Variants in UBE3B observed in about 807,000 individuals in gnomAD.
The protein encoded by UBE3B is ubiquitin protein ligase E3B, also known as ubiquitin-protein ligase E3B.
Under a neutral mutation model 132.3 loss-of-function variants are expected in UBE3B, and 80 were observed. The observed-to-expected ratio is 0.60, with a 90% CI of 0.50 to 0.73. The LOEUF is 0.73. UBE3B is among the 30% of genes least tolerant of loss of function. The probability of loss-of-function intolerance (pLI) is 0.00; values close to 1 mark genes in which losing one functional copy is unlikely to be tolerated. For synonymous variants in UBE3B, 487 were observed against 520.4 expected (o/e 0.94, Z 0.87); for missense variants, 1,196 against 1,362.5 (o/e 0.88, Z 1.92).
intron 24 of UBE3B, 59 bp downstream of exon 24, chr12:109,526,475 C>T (rs1224339654): frequency 6.6e-7 from 1 of 1,526,494 alleles, no homozygotes; most frequent in African/African-American, 1.4e-5. Flanking sequence ...TTCTGGCTCT[C>T]TGCGCTTATG....
rs1181481488 is a variant in UBE3B, at chr12:109,536,227, G to A, written c.*1445G>A. ...TGGCAAGGAATTTAAAGACAGGAAT[G>A]TATTAATATTATTGAAGGTGTGTTC... is the stretch of plus-strand genomic sequence containing the variant. On this transcript the variant is annotated 3_prime_UTR_variant, in exon 28 of 28. Coordinates refer to ENST00000342494, the MANE Select transcript of UBE3B (RefSeq NM_130466.4). 6.6e-6 allele frequency: 1 copy of A among 152,256 alleles called. No individual in the cohort carries two copies. The highest frequency in any genetic ancestry group is 1.5e-5 in the Non-Finnish European group (1 of 68,048). 9.4% of individuals were successfully genotyped at this position (152,256 alleles called of 1,614,324 possible). A position where few individuals can be genotyped will look rare whatever the true frequency, so the allele number is the denominator to read the frequency against.
intron 6 of UBE3B, 71 bp downstream of exon 6, chr12:109,486,646 T>A: frequency 8.1e-7 from 1 of 1,236,400 alleles, no homozygotes; most frequent in Admixed American, 2.4e-5. Context: ...ACCTGTAGAC[T>A]TTAGTCTGTA....
At chr12:109,537,279 C>T (rs1288896105), downstream of UBE3B, among the ~76,000 whole-genome samples, 2 of 152,230 alleles carry the variant, frequency 1.3e-5, no homozygotes, top group African/African-American at 4.8e-5. Context: ...TGCTGTCTCC[C>T]CACAGGACAC....
At chr12:109,520,829 G>A (rs897345740) in intron 19 of UBE3B, 8 of 225,996 alleles carry the variant, frequency 3.5e-5, no homozygotes, top group South Asian at 1.4e-4. Context: ...ATCTTGTCCC[G>A]GTTTCTTTCA....
rs1005803193 is a variant in UBE3B at position 109,483,409 on chromosome 12, G to A, written c.-21-122G>A. On this transcript the variant is annotated intron_variant, in intron 2 of 27. Coordinates refer to ENST00000342494, the MANE Select transcript of UBE3B (RefSeq NM_130466.4). Reference sequence around the variant, plus strand: ...GAGAGCTGTTAGCGCTTTGGAGGGTGTTGACAGGTCCTGAGTATCTCTGCT... The same window carrying A: ...GAGAGCTGTTAGCGCTTTGGAGGGTATTGACAGGTCCTGAGTATCTCTGCT... 7.6e-5 allele frequency: 76 copies of A among 1,003,300 alleles called. 1 individual carries two copies. The highest frequency in any genetic ancestry group is 1.0e-4 in the Non-Finnish European group (73 of 733,224). The allele number at this position is 1,003,300 out of a possible 1,614,324, so 62.1% of individuals were successfully genotyped here. A position where few individuals can be genotyped will look rare whatever the true frequency, so the allele number is the denominator to read the frequency against.
At chr12:109,533,722 ACCAG>A (rs1203648006) in intron 27 of UBE3B, 164 bp downstream of exon 27, 5 of 849,136 alleles carry the variant, frequency 5.9e-6, no homozygotes, top group Non-Finnish European at 9.6e-6. Flanking sequence ...CGGCAGGAGA[ACCAG>A]CCAGCCCCAG....
rs1300409901 is a variant in UBE3B, at chr12:109,526,344, A to G, written c.2569-14A>G. The G allele has an allele frequency of 1.9e-6, 3 of 1,613,986 alleles. No homozygotes were observed. The highest frequency in any genetic ancestry group is 1.7e-5 in the Admixed American group (1 of 60,006). Reference sequence around the variant, plus strand: ...AGAGTCCTCCCTATTAATTACTCCCATCTTCTCCCCCAGCTTGTTTGCCAT... The same window carrying G: ...AGAGTCCTCCCTATTAATTACTCCCGTCTTCTCCCCCAGCTTGTTTGCCAT... On this transcript the variant is annotated splice_polypyrimidine_tract_variant and intron_variant, in intron 23 of 27. Coordinates refer to ENST00000342494, the MANE Select transcript of UBE3B (RefSeq NM_130466.4).
intron 24 of UBE3B, among the ~76,000 whole-genome samples, chr12:109,526,995 G>A (rs1448265568): frequency 2.0e-5 from 3 of 152,188 alleles, no homozygotes; most frequent in African/African-American, 7.2e-5. Flanking sequence ...CCTAGATGCT[G>A]ACAGATGGAT....
rs780827180 is a variant in UBE3B at position 109,501,408 on chromosome 12, C to G, written c.1156C>G (p.Gln386Glu). Residue 386 changes from glutamine (Q) to glutamate (E), a missense_variant, in exon 13 of 28, where the codon CAG becomes GAG. Gln to Glu is a conservative substitution (Grantham distance 29). Transcript: ENST00000342494. ...ESMHLITKQL[Q>E]FLWGVPLIRI... ...AATGCACTTGATCACCAAACAGCTG[C>G]AGTTCTTGTGGGGGGTGCCTCTGAT... is the stretch of plus-strand genomic sequence containing the variant. 8 of 1,614,182 alleles carry G rather than the reference C, an allele frequency of 5.0e-6. No individual in the cohort carries two copies. In the South Asian group the frequency reaches 8.8e-5, roughly 18 times the overall value.
At chr12:109,485,653 A>G (rs1876316286) in intron 4 of UBE3B, among the ~76,000 whole-genome samples, 1 of 152,228 alleles carries the variant, frequency 6.6e-6, no homozygotes, top group Admixed American at 6.5e-5. Context: ...TGCTTAAGAA[A>G]AGGTAAACTG....
chr12:109,506,435 G>T (rs949211138), intron 14 of UBE3B, among the ~76,000 whole-genome samples: 2 of 152,160 alleles, frequency 1.3e-5, no homozygotes, highest in African/African-American at 4.8e-5. Flanking sequence ...TGCAACCTCT[G>T]CCTCCCAGGT....
chr12:109,530,093 A>G (rs780574195), intron 25 of UBE3B, 21 bp downstream of exon 25: 1 of 1,575,300 alleles, frequency 6.3e-7, no homozygotes, highest in South Asian at 1.1e-5. Flanking sequence ...GGTGGGGGGA[A>G]GGGTGAAATT....
chr12:109,541,629 T>C (rs1268221545), downstream of UBE3B, among the ~76,000 whole-genome samples: 1 of 152,204 alleles, frequency 6.6e-6, no homozygotes, highest in Non-Finnish European at 1.5e-5. Flanking sequence ...TGGTTTCCCA[T>C]GGCTGCTGCA....
At position 109,521,629 on chromosome 12, in the gene UBE3B, A is replaced by G; in HGVS notation, c.2364+78A>G. 1 of 1,355,770 alleles carries G rather than the reference A, an allele frequency of 7.4e-7. No individual in the cohort carries two copies. The highest frequency in any genetic ancestry group is 1.0e-6 in the Non-Finnish European group (1 of 997,506). The allele number at this position is 1,355,770 out of a possible 1,614,324, so 84.0% of individuals were successfully genotyped here. A position where few individuals can be genotyped will look rare whatever the true frequency, so the allele number is the denominator to read the frequency against. ...GGGCTTCTTCACATACACATATGTG[A>G]TCAGGCTTGGCCATGTAAACTGTCA... On this transcript the variant is annotated intron_variant, in intron 21 of 27. Coordinates refer to ENST00000342494, the MANE Select transcript of UBE3B (RefSeq NM_130466.4). The surrounding 1 kb of genome is among the most constrained non-coding windows in gnomAD (Gnocchi z 4.2).
rs763376287 is a variant in UBE3B at position 109,521,286 on chromosome 12, A to C, written c.2215A>C (p.Ile739Leu). 3 of 1,614,246 alleles carry C rather than the reference A, an allele frequency of 1.9e-6. No homozygotes were observed. Among genetic ancestry groups the C allele is most frequent in the Non-Finnish European group, 2.5e-6 (3 of 1,180,044 alleles). ...TTTTAAGGAGTTCTTGGAAGAGATC[A>C]TCAAGAGAGTTTTTGACCCAGCACT... ...GVFKEFLEEI[I>L]KRVFDPALNL... Residue 739 changes from isoleucine (I) to leucine (L), a missense_variant, in exon 20 of 28, where the codon ATC (isoleucine) becomes CTC (leucine). Ile to Leu is a conservative substitution (Grantham distance 5). Transcript: ENST00000342494. This position sits in a 1 kb window ranked among gnomAD's most constrained non-coding sequence, Gnocchi z 4.2.
intron 3 of UBE3B, 63 bp downstream of exon 3, chr12:109,483,775 G>A: frequency 1.3e-6 from 2 of 1,580,532 alleles, no homozygotes; most frequent in Non-Finnish European, 1.7e-6. Context: ...AGATAAATGA[G>A]TTTTTTCTCA....
Position 109,513,287 on chromosome 12 carries a change from G to A in UBE3B, c.1956+1984G>A, listed in dbSNP as rs560149761. 2.1e-4 allele frequency among the ~76,000 whole-genome samples: 32 copies of A among 152,130 alleles called. No individual in the cohort carries two copies. In the East Asian group the frequency reaches 5.0e-3, roughly 24 times the overall value. On this transcript the variant is annotated intron_variant, in intron 18 of 27. Transcript: ENST00000342494. ...TCCGCTCTGTTTCTCTGTGGTTCAC[G>A]TGTGCTGTGGCCACTGGAGGTGCTG...
At chr12:109,537,640 C>T (rs915380796), downstream of UBE3B, among the ~76,000 whole-genome samples, 2 of 152,234 alleles carry the variant, frequency 1.3e-5, no homozygotes, top group African/African-American at 4.8e-5. Context: ...AAACACACAT[C>T]GCCAGCCTCC....
chr12:109,517,888 T>C, intron 19 of UBE3B: 1 of 433,394 alleles, frequency 2.3e-6, no homozygotes, highest in South Asian at 1.6e-5. Flanking sequence ...CGGTGCATCG[T>C]ACCTTGTTTG....
Sources: allele counts gnomAD v4.1 joint callset (sites outside exome capture counted in the v4.1 genomes callset), GRCh38; gene constraint gnomAD v4.1.1; non-coding constraint Gnocchi (gnomAD v3.1); transcripts MANE v1.5; gene names NCBI Gene and HGNC (gene_info 2026-07-23, HGNC 2026-07-21).